The following FAP variants were observed in gnomAD, a reference collection of about 807,000 sequenced individuals.
The protein encoded by FAP is prolyl endopeptidase FAP.
Under a neutral mutation model 126.5 loss-of-function variants are expected in FAP, and 110 were observed. The observed-to-expected ratio is 0.87, with a 90% CI of 0.74 to 1.02. The LOEUF is 1.02. FAP is among the 50% of genes least tolerant of loss of function. The probability of loss-of-function intolerance (pLI) is 0.00; values close to 1 mark genes in which losing one functional copy is unlikely to be tolerated. For missense variants in FAP, 919 were observed against 909.2 expected (o/e 1.01, Z -0.14); for synonymous variants, 334 against 297.3 (o/e 1.12, Z -1.27).
In FAP at chr2:162,196,394, T is replaced by C. The variant is rs140899649; in HGVS notation, c.1403-1646A>G. 2.3e-3 allele frequency among the ~76,000 whole-genome samples: 351 copies of C among 152,266 alleles called. 1 individual carries two copies. Among genetic ancestry groups the C allele is most frequent in the African/African-American group, 7.8e-3 (324 of 41,558 alleles). The stretch of plus-strand genomic sequence containing the variant: ...TTATGAAAAAGGACAAATACACATA[T>C]TACATTTTCAGCCAGCATGCAAAGA... On this transcript the variant is annotated intron_variant, in intron 16 of 25. Coordinates refer to ENST00000188790, the MANE Select transcript of FAP (RefSeq NM_004460.5).
At chr2:162,189,596 A>G (rs565256160) in intron 18 of FAP, 60 bp downstream of exon 18, 1 of 935,648 alleles carries the variant, frequency 1.1e-6, no homozygotes, top group East Asian at 2.5e-5. Context: ...ATGCTTTTTT[A>G]AAAGCAAGAA....
At chr2:162,206,433 T>G (rs754051049) in intron 12 of FAP, among the ~76,000 whole-genome samples, 35 of 152,232 alleles carry the variant, frequency 2.3e-4, no homozygotes, top group Non-Finnish European at 4.7e-4. Flanking sequence ...TATCTTGCCA[T>G]AGCTGTTAAA....
Position 162,225,505 on chromosome 2 carries a change from G to T in FAP, c.263C>A (p.Thr88Asn). 1 of 1,599,810 alleles carries T rather than the reference G, an allele frequency of 6.3e-7. No homozygotes were observed. The highest frequency in any genetic ancestry group is 1.3e-5 in the African/African-American group (1 of 74,456). Residue 88 changes from threonine to asparagine, a missense_variant, in exon 4 of 26, where the codon ACC becomes AAC. Transcript: ENST00000188790. ...TACCATGGTTCTATTACTCAAAATG[G>T]TATATGATTGTCCTGTTTCAATATT... is the stretch of plus-strand genomic sequence containing the variant. ...LYNIETGQSY[T>N]ILSNRTMKSV...
At chr2:162,217,853 G>A in intron 9 of FAP, 133 bp downstream of exon 9, 2 of 618,510 alleles carry the variant, frequency 3.2e-6, no homozygotes, top group Non-Finnish European at 5.5e-6. Flanking sequence ...ATAGAGCACA[G>A]TACAATGTTT....
At chr2:162,198,044 T>C (rs1688326620) in intron 16 of FAP, 2 of 646,050 alleles carry the variant, frequency 3.1e-6, no homozygotes, top group Admixed American at 3.8e-5. Context: ...GCTCAAGATA[T>C]AGATAAAAGG....
chr2:162,210,725 C>A (rs757147409), intron 11 of FAP, among the ~76,000 whole-genome samples: 15 of 152,036 alleles, frequency 9.9e-5, no homozygotes, highest in Non-Finnish European at 1.2e-4. Flanking sequence ...TAATTATGAA[C>A]ATGATGCAGA....
At chr2:162,202,264 A>C (rs940516354) in intron 14 of FAP, among the ~76,000 whole-genome samples, 1 of 152,252 alleles carries the variant, frequency 6.6e-6, no homozygotes, top group Admixed American at 6.5e-5. Context: ...AAAGAACTGT[A>C]AGAAAGCAGT....
At chr2:162,198,182 G>A (rs1688334400) in intron 16 of FAP, 2 of 1,287,588 alleles carry the variant, frequency 1.6e-6, no homozygotes, top group Non-Finnish European at 1.0e-6. Flanking sequence ...TACTTACGAT[G>A]TTTTCCAAAT....
intron 5 of FAP, among the ~76,000 whole-genome samples, chr2:162,224,158 T>C (rs1480296314): frequency 3.3e-5 from 5 of 152,166 alleles, no homozygotes; most frequent in African/African-American, 1.2e-4. Flanking sequence ...AAAATAATAA[T>C]TGAAAAATAA....
chr2:162,192,821 C>T (rs1688100595), intron 17 of FAP, among the ~76,000 whole-genome samples: 1 of 152,170 alleles, frequency 6.6e-6, no homozygotes, highest in Non-Finnish European at 1.5e-5. Context: ...ATCCAAATAG[C>T]ATTATCACCT....
chr2:162,234,784 G>A lies in FAP; in HGVS notation c.91+8124C>T, dbSNP rs1224644413. Reference sequence around the variant, plus strand: ...CACTTCAGGAGCCCTTCAGCCCGCCGCTGCACCGTAGGAGCCTTTCTCTGG... The same window carrying A: ...CACTTCAGGAGCCCTTCAGCCCGCCACTGCACCGTAGGAGCCTTTCTCTGG... On this transcript the variant is annotated intron_variant, in intron 2 of 25. Transcript: ENST00000188790. 3.9e-5 allele frequency among the ~76,000 whole-genome samples: 6 copies of A among 152,102 alleles called. No homozygotes were observed. In the East Asian group the frequency reaches 5.8e-4, roughly 15 times the overall value.
At chr2:162,195,865 C>A (rs903600559) in intron 16 of FAP, among the ~76,000 whole-genome samples, 2 of 152,094 alleles carry the variant, frequency 1.3e-5, no homozygotes, top group Non-Finnish European at 1.5e-5. Flanking sequence ...CACCCCACCC[C>A]CCCCAGATAG....
intron 21 of FAP, among the ~76,000 whole-genome samples, chr2:162,180,883 G>A: frequency 6.6e-6 from 1 of 152,174 alleles, no homozygotes; most frequent in South Asian, 2.1e-4. Context: ...GGATCTGGAA[G>A]TCATCATCAT....
intron 16 of FAP, among the ~76,000 whole-genome samples, chr2:162,195,475 T>G (rs1443969476): frequency 6.6e-6 from 1 of 151,292 alleles, no homozygotes; most frequent in African/African-American, 2.4e-5. Context: ...CCCCTAGCAT[T>G]GGATGTGGCC....
At chr2:162,183,547 C>A (rs559762881) in intron 20 of FAP, 79 bp from the exon 21 acceptor site, 2 of 820,736 alleles carry the variant, frequency 2.4e-6, no homozygotes, top group African/African-American at 1.7e-5. Flanking sequence ...CATATTTAAT[C>A]CAAAGATTTA....
rs771812859 is a variant in FAP, at chr2:162,214,019, C to T, written c.921G>A (p.Gln307=). The change falls in exon 11 of 26, where the codon CAG becomes CAA. Residue 307 remains glutamine (Q), a synonymous_variant. Coordinates refer to ENST00000188790, the MANE Select transcript of FAP (RefSeq NM_004460.5). ...TWVTDERVCL[Q]WLKRVQNVSV... ...AAACATTCTGGACTCTTTTTAGCCA[C>T]TGCAAACATACTCGTTCATCAGTAA... 6.2e-7 allele frequency: 1 copy of T among 1,614,090 alleles called. No individual in the cohort carries two copies. Among genetic ancestry groups the T allele is most frequent in the South Asian group, 1.1e-5 (1 of 91,072 alleles).
intron 17 of FAP, 147 bp downstream of exon 17, chr2:162,194,554 T>A: frequency 1.5e-6 from 1 of 676,476 alleles, no homozygotes; most frequent in Non-Finnish European, 2.6e-6. Context: ...AATATCCAAA[T>A]CTGTGCAATA....
At chr2:162,193,692 A>G (rs1194948147) in intron 17 of FAP, 1 of 152,096 alleles carries the variant, frequency 6.6e-6, no homozygotes, top group Non-Finnish European at 1.5e-5. Flanking sequence ...TTTCAAAAAA[A>G]ACCTTAAAAT....
chr2:162,234,087 A>T (rs1055583778), intron 2 of FAP, among the ~76,000 whole-genome samples: 2 of 152,192 alleles, frequency 1.3e-5, no homozygotes, highest in Admixed American at 1.3e-4. Context: ...TGCCAGTAAC[A>T]CACTGTCTTG....
Sources: allele counts gnomAD v4.1 joint callset (sites outside exome capture counted in the v4.1 genomes callset), GRCh38; gene constraint gnomAD v4.1.1; transcripts MANE v1.5; gene names NCBI Gene and HGNC (gene_info 2026-07-23, HGNC 2026-07-21).